Variants in TMEM232 observed in about 807,000 individuals in gnomAD.
TMEM232 encodes the protein transmembrane protein 232.
Under a neutral mutation model 78.8 loss-of-function variants are expected in TMEM232, and 80 were observed. The observed-to-expected ratio is 1.01, with a 90% confidence interval of 0.85 to 1.22. The LOEUF is 1.22. Among genes scored for constraint, TMEM232 ranks in the 50% most tolerant of loss-of-function variants. The pLI is 0.00. For synonymous variants in TMEM232, 297 were observed against 254.3 expected (o/e 1.17, Z -1.60); for missense variants, 881 against 742.2 (o/e 1.19, Z -2.17).
Position 110,670,186 on chromosome 5 carries a change from C to A in TMEM232, c.-12-2822G>T, listed in dbSNP as rs200185783. On this transcript the variant is annotated intron_variant, in intron 1 of 13. Coordinates refer to ENST00000455884, the MANE Select transcript of TMEM232 (RefSeq NM_001039763.4). ...GTATTCAATTAGGAAAAGAGGAAGT[C>A]AAATTGTCCCTGTTTGCAGATGACA... 2.8e-4 allele frequency among the ~76,000 whole-genome samples: 42 copies of A among 152,270 alleles called. No individual in the cohort carries two copies. In the East Asian group the frequency reaches 7.5e-3, roughly 27 times the overall value.
At chr5:110,561,282 T>G (rs1775706553) in intron 11 of TMEM232, among the ~76,000 whole-genome samples, 1 of 152,034 alleles carries the variant, frequency 6.6e-6, no homozygotes, top group Non-Finnish European at 1.5e-5. Context: ...TAGCTATGTA[T>G]CCATAGTCAA....
chr5:110,565,082 C>T (rs1386532679), intron 11 of TMEM232, among the ~76,000 whole-genome samples: 1 of 151,910 alleles, frequency 6.6e-6, no homozygotes, highest in Non-Finnish European at 1.5e-5. Flanking sequence ...AAGTTATTTT[C>T]ACTTTCTTCA....
At chr5:110,540,615 G>A (rs1039159457) in intron 11 of TMEM232, among the ~76,000 whole-genome samples, 1 of 152,158 alleles carries the variant, frequency 6.6e-6, no homozygotes, top group Non-Finnish European at 1.5e-5. Context: ...GTTTACAGAC[G>A]GCAGTAGTTT....
At chr5:110,595,734 T>G (rs1309065238) in intron 10 of TMEM232, among the ~76,000 whole-genome samples, 1 of 151,700 alleles carries the variant, frequency 6.6e-6, no homozygotes, top group Non-Finnish European at 1.5e-5. Flanking sequence ...GAAAAAAGAA[T>G]GAAAAGGAAT....
Position 110,395,880 on chromosome 5 carries a change from A to T in TMEM232, n.390+1893T>A, listed in dbSNP as rs115249428. Among the ~76,000 whole-genome samples the T allele has an allele frequency of 9.3e-3, 1,421 of 152,198 alleles. 25 individuals carry two copies. Among genetic ancestry groups the T allele is most frequent in the African/African-American group, 0.033 (1,361 of 41,520 alleles). ...CCCTTTCATTGTCCTGCTGACTCAAATTTAGGTGAGAGATCTCGAACTGAT... is the reference window on the plus strand; with the variant it reads ...CCCTTTCATTGTCCTGCTGACTCAATTTTAGGTGAGAGATCTCGAACTGAT... On this transcript the variant is annotated intron_variant and non_coding_transcript_variant, in intron 3 of 8. Coordinates refer to the TMEM232 transcript ENST00000507188.
rs998972146 is a variant in TMEM232, at chr5:110,618,315, A to G, written c.902+114T>C. On this transcript the variant is annotated intron_variant, in intron 8 of 13. Transcript: ENST00000455884. Reference sequence around the variant, plus strand: ...CATTGCCTTTGGAACTGAGATTATAAATTTGTTTCATAGTCAACTGAGGTG... The same window carrying G: ...CATTGCCTTTGGAACTGAGATTATAGATTTGTTTCATAGTCAACTGAGGTG... The G allele has an allele frequency of 3.8e-6, 5 of 1,316,048 alleles. No homozygotes were observed. The African/African-American group carries it at 4.5e-5, about 12-fold the overall frequency. The allele number at this position is 1,316,048 out of a possible 1,614,324, so 81.5% of individuals were successfully genotyped here.
intron 10 of TMEM232, among the ~76,000 whole-genome samples, chr5:110,599,690 A>C (rs576610977): frequency 6.6e-6 from 1 of 152,290 alleles, no homozygotes; most frequent in African/African-American, 2.4e-5. Flanking sequence ...ACCTACAAAG[A>C]GATATAGACT....
chr5:110,638,954 GGAA>G (rs1580457797), intron 4 of TMEM232, among the ~76,000 whole-genome samples: 1 of 152,154 alleles, frequency 6.6e-6, no homozygotes, highest in Admixed American at 6.5e-5. Context: ...TGAAGCTGAA[GGAA>G]GAAGAATATA....
chr5:110,687,887 G>C (rs1474293545), intron 1 of TMEM232, among the ~76,000 whole-genome samples: 1 of 152,100 alleles, frequency 6.6e-6, no homozygotes, highest in Admixed American at 6.6e-5. Flanking sequence ...GAAATTTGCA[G>C]AGTAGTGTGA....
At chr5:110,712,495 G>A (rs1441785322) in intron 1 of TMEM232, among the ~76,000 whole-genome samples, 1 of 151,984 alleles carries the variant, frequency 6.6e-6, no homozygotes, top group African/African-American at 2.4e-5. Flanking sequence ...ATATAAAAAG[G>A]TGTTCAACAT....
chr5:110,599,368 C>T (rs574757114), intron 10 of TMEM232, among the ~76,000 whole-genome samples: 47 of 151,970 alleles, frequency 3.1e-4, no homozygotes, highest in South Asian at 1.0e-3. Context: ...TAAAAGACAC[C>T]GACTAGAAAA....
chr5:110,601,145 T>C (rs1580320131), intron 10 of TMEM232, among the ~76,000 whole-genome samples: 1 of 152,142 alleles, frequency 6.6e-6, no homozygotes, highest in East Asian at 1.9e-4. Context: ...TGGGTATTGA[T>C]GAACATATCT....
chr5:110,404,274 C>T (rs1755708151), intron 2 of TMEM232, among the ~76,000 whole-genome samples: 1 of 152,014 alleles, frequency 6.6e-6, no homozygotes, highest in Admixed American at 6.6e-5. Flanking sequence ...ATAGTCTCAT[C>T]CTTGCTTTCT....
chr5:110,491,004 T>C (rs1370554782), intron 12 of TMEM232, among the ~76,000 whole-genome samples: 1 of 152,080 alleles, frequency 6.6e-6, no homozygotes. Context: ...TAAAAACTTT[T>C]GTACTTAAGA....
chr5:110,408,389 C>T (rs1204783428), intron 2 of TMEM232, among the ~76,000 whole-genome samples: 3 of 152,026 alleles, frequency 2.0e-5, no homozygotes, highest in East Asian at 1.9e-4. Flanking sequence ...GTCAGGAATT[C>T]GACACCAGCC....
intron 12 of TMEM232, among the ~76,000 whole-genome samples, chr5:110,502,234 G>C (rs1766345856): frequency 6.6e-6 from 1 of 152,132 alleles, no homozygotes; most frequent in Non-Finnish European, 1.5e-5. Context: ...TTGGTCAAGT[G>C]TTGTCCTCAT....
chr5:110,511,963 C>T (rs1478730346), intron 12 of TMEM232, among the ~76,000 whole-genome samples: 1 of 152,070 alleles, frequency 6.6e-6, no homozygotes, highest in Non-Finnish European at 1.5e-5. Context: ...CACATTCTGT[C>T]CCTTCTGTTT....
chr5:110,674,382 A>G (rs1427496781), intron 1 of TMEM232, among the ~76,000 whole-genome samples: 1 of 152,216 alleles, frequency 6.6e-6, no homozygotes, highest in African/African-American at 2.4e-5. Context: ...ATGTGAAAAA[A>G]GTAATGAAGC....
At chr5:110,632,988 A>T (rs1470026770) in intron 5 of TMEM232, among the ~76,000 whole-genome samples, 1 of 152,176 alleles carries the variant, frequency 6.6e-6, no homozygotes, top group African/African-American at 2.4e-5. Context: ...AAAGAAACAG[A>T]AAAATCATCT....
Sources: gnomAD v4.1 joint callset for allele counts (sites outside exome capture counted in the v4.1 genomes callset) on GRCh38, gnomAD v4.1.1 for gene constraint, MANE v1.5 for transcripts, NCBI Gene and HGNC (gene_info 2026-07-23, HGNC 2026-07-21) for gene names.